The following CDH4 variants were observed in gnomAD, a reference collection of about 807,000 sequenced individuals.
CDH4 encodes the protein cadherin 4, also known as cadherin-4.
In CDH4, 33 loss-of-function variants were observed where a neutral mutation model predicts 86.0. The ratio of observed to expected loss-of-function variants is 0.38; its 90% confidence interval spans 0.29 to 0.51. CDH4 has a LOEUF of 0.51. Among genes scored for constraint, CDH4 ranks in the 20% least tolerant of loss-of-function variants. The pLI is 0.86. For synonymous variants in CDH4, 555 were observed against 549.4 expected (o/e 1.01, Z -0.14); for missense variants, 1,114 against 1,307.4 (o/e 0.85, Z 2.28).
chr20:61,383,398 A>C (rs567115772), intron 2 of CDH4, among the ~76,000 whole-genome samples: 1 of 105,028 alleles, frequency 9.5e-6, no homozygotes, highest in South Asian at 2.7e-4. Flanking sequence ...AATATATGAT[A>C]TATATGAATA....
intron 2 of CDH4, among the ~76,000 whole-genome samples, chr20:61,485,560 C>T (rs1229510448): frequency 3.3e-5 from 5 of 152,228 alleles, no homozygotes; most frequent in Admixed American, 6.5e-5. Context: ...CTCTGCCAGA[C>T]GAGGCCCAGG....
intron 2 of CDH4, among the ~76,000 whole-genome samples, chr20:61,325,873 G>A (rs898288605): frequency 6.6e-6 from 1 of 152,162 alleles, no homozygotes; most frequent in African/African-American, 2.4e-5. Context: ...CTTGCCACGG[G>A]TGCCGACGCA....
chr20:61,677,529 C>T (rs544808317), intron 2 of CDH4, among the ~76,000 whole-genome samples: 1 of 152,278 alleles, frequency 6.6e-6, no homozygotes, highest in South Asian at 2.1e-4. Flanking sequence ...AAACACAGCA[C>T]TTTACACTTT....
At chr20:61,731,083 G>T (rs1432440249) in intron 2 of CDH4, among the ~76,000 whole-genome samples, 2 of 152,002 alleles carry the variant, frequency 1.3e-5, no homozygotes, top group Non-Finnish European at 2.9e-5. Context: ...TCAGGAGAAG[G>T]ATCTGCACCG....
chr20:61,504,190 A>T (rs2085724182), intron 2 of CDH4, among the ~76,000 whole-genome samples: 2 of 152,334 alleles, frequency 1.3e-5, no homozygotes, highest in South Asian at 4.1e-4. Flanking sequence ...AGCCTGTTCC[A>T]ACGGGGCTGG....
chr20:61,661,988 G>A (rs192316831), intron 2 of CDH4, among the ~76,000 whole-genome samples: 16 of 152,242 alleles, frequency 1.1e-4, no homozygotes, highest in African/African-American at 3.1e-4. Flanking sequence ...TTCTTCCAGG[G>A]TACATGTTTT....
intron 2 of CDH4, among the ~76,000 whole-genome samples, chr20:61,626,935 G>A (rs1422784689): frequency 6.6e-6 from 1 of 152,178 alleles, no homozygotes; most frequent in African/African-American, 2.4e-5. Flanking sequence ...GAAAATCAGG[G>A]CTTCAGAATC....
At chr20:61,735,295 C>T (rs1449953018) in intron 2 of CDH4, among the ~76,000 whole-genome samples, 1 of 152,228 alleles carries the variant, frequency 6.6e-6, no homozygotes, top group Non-Finnish European at 1.5e-5. Flanking sequence ...AAGTAAAATT[C>T]ACATAACGTA....
At chr20:61,832,942 T>C (rs1372494695) in intron 4 of CDH4, among the ~76,000 whole-genome samples, 1 of 152,180 alleles carries the variant, frequency 6.6e-6, no homozygotes, top group Non-Finnish European at 1.5e-5. Flanking sequence ...CTATTGCTGT[T>C]ACCCCTGGGG....
intron 5 of CDH4, among the ~76,000 whole-genome samples, chr20:61,849,698 C>A (rs1568848378): frequency 6.6e-6 from 1 of 152,176 alleles, no homozygotes; most frequent in African/African-American, 2.4e-5. Flanking sequence ...CTGAAGGGCA[C>A]CTGCATGCCT....
At chr20:61,363,446 A>AAC (rs758501709) in intron 2 of CDH4, among the ~76,000 whole-genome samples, 23 of 151,234 alleles carry the variant, frequency 1.5e-4, no homozygotes, top group Admixed American at 2.0e-4. Flanking sequence ...CACACACACA[A>AAC]ACACACACAC....
intron 2 of CDH4, among the ~76,000 whole-genome samples, chr20:61,651,872 G>A (rs901257538): frequency 1.3e-5 from 2 of 152,190 alleles, no homozygotes; most frequent in African/African-American, 2.4e-5. Flanking sequence ...GGAAGCCATC[G>A]GGGCTGGGCG....
chr20:61,850,631 A>T (rs1375920904), intron 5 of CDH4, among the ~76,000 whole-genome samples: 1 of 152,202 alleles, frequency 6.6e-6, no homozygotes, highest in African/African-American at 2.4e-5. Context: ...CGGAACGAGG[A>T]TAGAAAAATG....
intron 4 of CDH4, among the ~76,000 whole-genome samples, chr20:61,782,208 C>T (rs1414201419): frequency 2.0e-5 from 3 of 152,170 alleles, no homozygotes; most frequent in Non-Finnish European, 4.4e-5. Flanking sequence ...ACTCAGGAGG[C>T]TGAGGTGGGA....
At chr20:61,678,155 T>C (rs1383287264) in intron 2 of CDH4, among the ~76,000 whole-genome samples, 2 of 110,334 alleles carry the variant, frequency 1.8e-5, no homozygotes, top group Admixed American at 8.4e-5. Flanking sequence ...GGTAGATAGA[T>C]GGATGATGGA....
chr20:61,502,391 G>C (rs932135181), intron 2 of CDH4, among the ~76,000 whole-genome samples: 5 of 152,028 alleles, frequency 3.3e-5, no homozygotes, highest in Non-Finnish European at 7.4e-5. Flanking sequence ...GTTTCCCAGG[G>C]TTGTCCTGGG....
chr20:61,933,466 G>A (rs76516848), intron 14 of CDH4, among the ~76,000 whole-genome samples: 1,528 of 152,302 alleles, frequency 0.01, 34 homozygotes, highest in East Asian at 0.084. Flanking sequence ...GAGGGCTGTC[G>A]ACTGACCAGG....
rs62197810 is a variant in CDH4 at position 61,663,808 on chromosome 20, C to A, written c.170-79755C>A. Among the ~76,000 whole-genome samples, 17,757 of 152,172 alleles carry A rather than the reference C, an allele frequency of 0.12. 1,415 individuals are homozygous for A. The highest frequency in any genetic ancestry group is 0.24 in the East Asian group (1,219 of 5,150). On this transcript the variant is annotated intron_variant, in intron 2 of 15. Coordinates refer to ENST00000614565, the MANE Select transcript of CDH4 (RefSeq NM_001794.5). The surrounding 1 kb of genome is among the most constrained non-coding windows in gnomAD (Gnocchi z 5.0). ...TGCACAATGTGGGCACCACTGAACA[C>A]GGGGTAAACCAATCACCAGTCACTC...
chr20:61,933,894 A>T (rs1051428316), intron 14 of CDH4, among the ~76,000 whole-genome samples, 162 bp from the exon 15 acceptor site: 4 of 152,144 alleles, frequency 2.6e-5, no homozygotes, highest in Non-Finnish European at 5.9e-5. Context: ...GGCATTGTGG[A>T]GGGGCACAGC....
Sources: allele counts gnomAD v4.1 joint callset (sites outside exome capture counted in the v4.1 genomes callset), GRCh38; gene constraint gnomAD v4.1.1; non-coding constraint Gnocchi (gnomAD v3.1); transcripts MANE v1.5; gene names NCBI Gene and HGNC (gene_info 2026-07-23, HGNC 2026-07-21).